GADL1: variants seen among roughly 807,000 people sequenced by gnomAD.
The protein encoded by GADL1 is acidic amino acid decarboxylase GADL1.
In GADL1, 71 loss-of-function variants were observed where a neutral mutation model predicts 69.5. The observed-to-expected ratio is 1.02, with a 90% CI of 0.84 to 1.25. The LOEUF (loss-of-function observed/expected upper bound fraction) is 1.25, where lower values mean the gene tolerates loss of function less well. Ranked by LOEUF, GADL1 falls within the 50% of genes most tolerant of loss-of-function variation. The pLI is 0.00. For missense variants in GADL1, 737 were observed against 631.8 expected (o/e 1.17, Z -1.79); for synonymous variants, 254 against 214.4 (o/e 1.18, Z -1.62).
intron 6 of GADL1, among the ~76,000 whole-genome samples, chr3:30,849,715 A>T (rs965110856): frequency 4.6e-5 from 7 of 152,132 alleles, no homozygotes; most frequent in African/African-American, 7.2e-5. Flanking sequence ...TAAGACATTC[A>T]AAAAAAGAGA....
chr3:30,761,739 C>A (rs1364160730), intron 14 of GADL1, among the ~76,000 whole-genome samples: 1 of 152,016 alleles, frequency 6.6e-6, no homozygotes, highest in Non-Finnish European at 1.5e-5. Context: ...CATCATTAGA[C>A]CAGTAAGTAA....
At chr3:30,893,840 T>C (rs1194237173) in intron 1 of GADL1, among the ~76,000 whole-genome samples, 1 of 152,152 alleles carries the variant, frequency 6.6e-6, no homozygotes, top group Non-Finnish European at 1.5e-5. Context: ...AGCTTCAACT[T>C]TGAGACTTCA....
intron 12 of GADL1, among the ~76,000 whole-genome samples, chr3:30,786,900 A>G (rs1696803385): frequency 6.6e-6 from 1 of 152,202 alleles, no homozygotes; most frequent in African/African-American, 2.4e-5. Flanking sequence ...GATAATCAGT[A>G]TCATGTTAAA....
chr3:30,813,841 T>C (rs1374417892), intron 11 of GADL1, among the ~76,000 whole-genome samples: 1 of 152,236 alleles, frequency 6.6e-6, no homozygotes, highest in African/African-American at 2.4e-5. Flanking sequence ...ATTTAAGAAG[T>C]ACTTGGCAGA....
intron 1 of GADL1, among the ~76,000 whole-genome samples, chr3:30,886,853 G>A (rs1698717658): frequency 6.6e-6 from 1 of 152,150 alleles, no homozygotes; most frequent in Non-Finnish European, 1.5e-5. Context: ...GGAGTTGATA[G>A]GGTACATTGG....
intron 6 of GADL1, among the ~76,000 whole-genome samples, chr3:30,845,181 G>T (rs1324299410): frequency 6.6e-6 from 1 of 152,124 alleles, no homozygotes; most frequent in African/African-American, 2.4e-5. Flanking sequence ...CTCAGCTATG[G>T]CATGAGTGAG....
chr3:30,780,007 A>G (rs1187660624), intron 13 of GADL1, among the ~76,000 whole-genome samples: 1 of 152,034 alleles, frequency 6.6e-6, no homozygotes, highest in Non-Finnish European at 1.5e-5. Flanking sequence ...GTACACCCCC[A>G]CCCATCTACC....
chr3:30,780,380 T>C (rs1333326599), intron 13 of GADL1, among the ~76,000 whole-genome samples: 2 of 152,198 alleles, frequency 1.3e-5, no homozygotes. Flanking sequence ...TGGGAAGGGA[T>C]GGACTCTCCC....
chr3:30,804,227 T>C (rs1697213779), intron 11 of GADL1, among the ~76,000 whole-genome samples: 1 of 152,218 alleles, frequency 6.6e-6, no homozygotes, highest in African/African-American at 2.4e-5. Flanking sequence ...CCTTTCATCT[T>C]GTTCTATTGT....
At chr3:30,747,579 A>G (rs758952220) in intron 14 of GADL1, among the ~76,000 whole-genome samples, 21 of 152,204 alleles carry the variant, frequency 1.4e-4, no homozygotes, top group Non-Finnish European at 2.5e-4. Context: ...ACAGTCTCCA[A>G]TATATTTTCT....
chr3:30,737,605 A>G (rs1217201638), intron 14 of GADL1, among the ~76,000 whole-genome samples: 1 of 152,136 alleles, frequency 6.6e-6, no homozygotes, highest in Non-Finnish European at 1.5e-5. Flanking sequence ...CATAATTTAG[A>G]GGTAAAATGC....
chr3:30,871,361 A>G (rs1374194303), intron 1 of GADL1, among the ~76,000 whole-genome samples: 2 of 151,626 alleles, frequency 1.3e-5, no homozygotes, highest in Admixed American at 1.3e-4. Context: ...GGCCAGGGAG[A>G]GGGAGGAAAT....
chr3:30,795,488 A>G (rs1697013171), intron 12 of GADL1, among the ~76,000 whole-genome samples: 1 of 152,170 alleles, frequency 6.6e-6, no homozygotes, highest in Non-Finnish European at 1.5e-5. Flanking sequence ...TTACACCATG[A>G]AAATTGGCAG....
intron 14 of GADL1, among the ~76,000 whole-genome samples, chr3:30,764,157 A>AT (rs909672597): frequency 2.6e-5 from 3 of 116,972 alleles, no homozygotes; most frequent in African/African-American, 1.1e-4. Flanking sequence ...TACTGAAGTG[A>AT]TTTTATACTT....
chr3:30,803,955 C>T (rs1008093088), intron 11 of GADL1, among the ~76,000 whole-genome samples: 10 of 152,114 alleles, frequency 6.6e-5, no homozygotes, highest in Non-Finnish European at 1.2e-4. Context: ...ACTCTTAATC[C>T]TAGCAGGACA....
intron 11 of GADL1, among the ~76,000 whole-genome samples, chr3:30,817,560 G>T (rs1324315323): frequency 6.6e-6 from 1 of 152,084 alleles, no homozygotes; most frequent in African/African-American, 2.4e-5. Flanking sequence ...GCTTGATGTT[G>T]CTACCTCACA....
At chr3:30,812,819 G>A (rs879364224) in intron 11 of GADL1, among the ~76,000 whole-genome samples, 1 of 152,076 alleles carries the variant, frequency 6.6e-6, no homozygotes, top group Non-Finnish European at 1.5e-5. Context: ...CTACTTTGTT[G>A]AGAAAGGGAT....
intron 12 of GADL1, chr3:30,799,663 T>A (rs1462039955): frequency 6.6e-6 from 1 of 152,218 alleles, no homozygotes; most frequent in Non-Finnish European, 1.5e-5. Flanking sequence ...ATGGGTTTTT[T>A]CTACTGCATC....
chr3:30,778,196 A>G lies in GADL1; in HGVS notation c.1375T>C (p.Trp459Arg). The G allele has an allele frequency of 1.2e-6, 2 of 1,608,076 alleles. No individual in the cohort carries two copies. The highest frequency in any genetic ancestry group is 1.1e-5 in the South Asian group (1 of 90,912). ...TTACTTACCAAATTAAGTTTTGCCC[A>G]GAACTCGGGTCCTTCTTCCATCTCT... ...LREMEEGPEF[W>R]AKLNLVAPAI... Residue 459 changes from tryptophan to arginine, a missense_variant, in exon 14 of 15, where the codon TGG (tryptophan) becomes CGG (arginine). Transcript: ENST00000282538.
Sources: gnomAD v4.1 joint callset for allele counts (sites outside exome capture counted in the v4.1 genomes callset) on GRCh38, gnomAD v4.1.1 for gene constraint, MANE v1.5 for transcripts, NCBI Gene and HGNC (gene_info 2026-07-23, HGNC 2026-07-21) for gene names.